AKAP6: variants seen among roughly 807,000 people sequenced by gnomAD.
AKAP6 encodes A-kinase anchor protein 6.
Under a neutral mutation model 188.5 loss-of-function variants are expected in AKAP6, and 58 were observed. That is an observed-to-expected ratio of 0.31 (90% CI 0.25 to 0.38). AKAP6 has a LOEUF of 0.38. Ranked by LOEUF, AKAP6 falls within the 10% of genes least tolerant of loss-of-function variation. The pLI is 1.00. For missense variants in AKAP6, 2,710 were observed against 2,740.0 expected, an observed-to-expected ratio of 0.99 and a Z score of 0.24; for synonymous variants, 989 against 998.6, an observed-to-expected ratio of 0.99 and a Z score of 0.18.
At chr14:32,359,388 A>T (rs1227532239) in intron 1 of AKAP6, among the ~76,000 whole-genome samples, 3 of 152,146 alleles carry the variant, frequency 2.0e-5, no homozygotes, top group African/African-American at 7.2e-5. Context: ...ATACTTTAAA[A>T]AATGTTTTAT....
Position 32,824,108 on chromosome 14 carries a change from C to T in AKAP6, c.6295C>T (p.His2099Tyr). The T allele has an allele frequency of 6.2e-7, 1 of 1,613,956 alleles. No homozygotes were observed. Among genetic ancestry groups the T allele is most frequent in the Non-Finnish European group, 8.5e-7 (1 of 1,179,936 alleles). Residue 2099 changes from histidine to tyrosine, a missense_variant, in exon 13 of 14, where the codon CAC becomes TAC. This residue lies in a region of AKAP6 where 2,473 missense variants were observed against 2,426.1 expected (regional missense o/e 1.02). Coordinates refer to ENST00000280979, the MANE Select transcript of AKAP6 (RefSeq NM_004274.5). ...CAAGGAGAAAGTGTTGGAGCATTCT[C>T]ACCGGCCCATCCAGCTGAGAAAAGG... ...QIKEKVLEHSHRPIQLRKGDF... is the reference protein window; with the variant it reads ...QIKEKVLEHSYRPIQLRKGDF...
chr14:32,389,032 T>G (rs1049995608), intron 1 of AKAP6, among the ~76,000 whole-genome samples: 2 of 152,120 alleles, frequency 1.3e-5, no homozygotes, highest in African/African-American at 4.8e-5. Flanking sequence ...ATTTGGGAGC[T>G]CCAGTGTTAG....
chr14:32,731,228 A>G (rs1339533956), intron 9 of AKAP6, among the ~76,000 whole-genome samples: 2 of 152,190 alleles, frequency 1.3e-5, no homozygotes, highest in Admixed American at 6.6e-5. Flanking sequence ...AGCTAAAAGT[A>G]TGCAAACATA....
chr14:32,831,684 A>T lies in AKAP6; in HGVS notation c.*1879A>T, dbSNP rs1470638333. 3 of 152,298 alleles carry T rather than the reference A, an allele frequency of 2.0e-5. No individual in the cohort carries two copies. Among genetic ancestry groups the T allele is most frequent in the African/African-American group, 4.8e-5 (2 of 41,472 alleles). The allele number at this position is 152,298 out of a possible 1,614,324, so 9.4% of individuals were successfully genotyped here. A position where few individuals can be genotyped will look rare whatever the true frequency, so the allele number is the denominator to read the frequency against. The stretch of plus-strand genomic sequence containing the variant: ...AGTATTTGTTGCAGAGCTGAGGAAC[A>T]GAGCAAATGTAGTGATAGAAGCGCA... On this transcript the variant is annotated 3_prime_UTR_variant, in exon 14 of 14. Coordinates refer to ENST00000280979, the MANE Select transcript of AKAP6 (RefSeq NM_004274.5).
chr14:32,445,137 C>T (rs536417884), intron 2 of AKAP6, among the ~76,000 whole-genome samples: 2 of 152,312 alleles, frequency 1.3e-5, no homozygotes, highest in South Asian at 4.1e-4. Context: ...GACCAGCTGG[C>T]CTGTTGTTCC....
chr14:32,449,940 A>G (rs1455798855), intron 2 of AKAP6, among the ~76,000 whole-genome samples: 5 of 152,166 alleles, frequency 3.3e-5, no homozygotes, highest in African/African-American at 1.2e-4. Context: ...AATGGCTGGA[A>G]TGGGAGTTCT....
chr14:32,573,164 A>G (rs950844321), intron 4 of AKAP6, among the ~76,000 whole-genome samples: 1 of 152,200 alleles, frequency 6.6e-6, no homozygotes. Flanking sequence ...GTAGAAAATA[A>G]CAGGAAAGAC....
intron 2 of AKAP6, among the ~76,000 whole-genome samples, chr14:32,451,306 T>A (rs1235338385): frequency 6.6e-6 from 1 of 151,566 alleles, no homozygotes; most frequent in African/African-American, 2.4e-5. Context: ...TTTATTATCC[T>A]TTTTTAAAAA....
intron 12 of AKAP6, among the ~76,000 whole-genome samples, chr14:32,793,908 C>A (rs921499466): frequency 2.4e-4 from 37 of 152,090 alleles, no homozygotes; most frequent in African/African-American, 8.9e-4. Context: ...TAGTGGGAAA[C>A]TGTAACACCC....
chr14:32,712,178 A>C (rs1334129988), intron 9 of AKAP6, among the ~76,000 whole-genome samples: 1 of 152,050 alleles, frequency 6.6e-6, no homozygotes, highest in Non-Finnish European at 1.5e-5. Context: ...CAGTGCATAT[A>C]AAAGTTGCGT....
At chr14:32,810,348 T>A (rs2034193356) in intron 12 of AKAP6, among the ~76,000 whole-genome samples, 1 of 152,144 alleles carries the variant, frequency 6.6e-6, no homozygotes, top group Admixed American at 6.5e-5. Context: ...AATCTTTGAT[T>A]TGGGTTACAG....
chr14:32,396,090 A>G (rs1407549836), intron 1 of AKAP6, among the ~76,000 whole-genome samples: 1 of 152,192 alleles, frequency 6.6e-6, no homozygotes, highest in Admixed American at 6.6e-5. Flanking sequence ...GACTGCTACT[A>G]TTTAATTTAA....
intron 2 of AKAP6, among the ~76,000 whole-genome samples, chr14:32,475,070 C>T (rs1271311719): frequency 6.6e-6 from 1 of 152,160 alleles, no homozygotes; most frequent in African/African-American, 2.4e-5. Flanking sequence ...AAGGAATGTA[C>T]ATCTCAGTGT....
chr14:32,346,663 C>A (rs981652356), intron 1 of AKAP6, among the ~76,000 whole-genome samples: 2 of 152,200 alleles, frequency 1.3e-5, no homozygotes, highest in Admixed American at 1.3e-4. Context: ...GGCCCGCCAC[C>A]GCGCCTGGCT....
chr14:32,370,132 C>T lies in AKAP6; in HGVS notation c.-35+40724C>T, dbSNP rs569956471. Among the ~76,000 whole-genome samples, 4 of 152,332 alleles carry T rather than the reference C, an allele frequency of 2.6e-5. No individual in the cohort carries two copies. In the East Asian group the frequency reaches 7.7e-4, roughly 29 times the overall value. On this transcript the variant is annotated intron_variant, in intron 1 of 13. Transcript: ENST00000280979. The stretch of plus-strand genomic sequence containing the variant: ...GTCAGTATGTTGTGTTCCACTTTGG[C>T]CATATGATGCTTGGCATTTTCAGGA...
intron 12 of AKAP6, among the ~76,000 whole-genome samples, chr14:32,795,658 T>TGACAAA (rs1294446684): frequency 6.6e-6 from 1 of 152,084 alleles, no homozygotes. Context: ...ATAAGAGCCA[T>TGACAAA]TTATGACAAA....
chr14:32,437,219 A>G (rs1890410631), intron 2 of AKAP6, among the ~76,000 whole-genome samples: 1 of 152,136 alleles, frequency 6.6e-6, no homozygotes, highest in Non-Finnish European at 1.5e-5. Flanking sequence ...CCAGAGGGAC[A>G]GTCATGTTTA....
At chr14:32,582,590 A>G (rs1885027902) in intron 5 of AKAP6, among the ~76,000 whole-genome samples, 1 of 152,192 alleles carries the variant, frequency 6.6e-6, no homozygotes, top group African/African-American at 2.4e-5. Context: ...GTGTTTTCCA[A>G]CTTGGTTCCA....
chr14:32,834,946 T>C lies in AKAP6; in HGVS notation c.*5141T>C, dbSNP rs1215784570. 6.6e-6 allele frequency: 1 copy of C among 152,212 alleles called. No individual in the cohort carries two copies. Among genetic ancestry groups the C allele is most frequent in the Non-Finnish European group, 1.5e-5 (1 of 68,038 alleles). 9.4% of individuals were successfully genotyped at this position (152,212 alleles called of 1,614,324 possible). A position where few individuals can be genotyped will look rare whatever the true frequency, so the allele number is the denominator to read the frequency against. ...CGAGCTTCAAACAATTTTTACATTT[T>C]TTAGTAGTTAAACAAAAGAATACTT... On this transcript the variant is annotated 3_prime_UTR_variant, in exon 14 of 14. Transcript: ENST00000280979.
Sources: allele counts gnomAD v4.1 joint callset (sites outside exome capture counted in the v4.1 genomes callset), GRCh38; gene constraint gnomAD v4.1.1; regional missense constraint gnomAD v4.1.1; transcripts MANE v1.5; gene names NCBI Gene and HGNC (gene_info 2026-07-23, HGNC 2026-07-21).